DSC3: variants seen among roughly 807,000 people sequenced by gnomAD.
The protein encoded by DSC3 is desmocollin 3, also known as desmocollin-3.
In DSC3, 97 loss-of-function variants were observed where a neutral mutation model predicts 89.5. That is an observed-to-expected ratio of 1.08 (90% CI 0.92 to 1.28). The LOEUF is 1.28. DSC3 is among the 50% of genes most tolerant of loss of function. The probability of loss-of-function intolerance (pLI) is 0.00; values close to 1 mark genes in which losing one functional copy is unlikely to be tolerated. For missense variants in DSC3, 1,199 were observed against 1,085.3 expected, an observed-to-expected ratio of 1.10 and a Z score of -1.47; for synonymous variants, 436 against 384.1, an observed-to-expected ratio of 1.14 and a Z score of -1.58.
chr18:31,041,841 A>G (rs993089196), intron 1 of DSC3, among the ~76,000 whole-genome samples: 1 of 151,970 alleles, frequency 6.6e-6, no homozygotes, highest in African/African-American at 2.4e-5. Context: ...CGGAGTAAGT[A>G]CGACGCAACC....
intron 9 of DSC3, among the ~76,000 whole-genome samples, chr18:31,015,133 T>C (rs953649570): frequency 6.6e-6 from 1 of 152,280 alleles, no homozygotes; most frequent in Non-Finnish European, 1.5e-5. Context: ...TAATATCAAA[T>C]ATAAGGGTAA....
chr18:31,013,530 T>C (rs1985138580), intron 9 of DSC3, among the ~76,000 whole-genome samples: 1 of 152,106 alleles, frequency 6.6e-6, no homozygotes. Context: ...TAAAAATTGG[T>C]AAAAATATTT....
At position 30,995,517 on chromosome 18, in the gene DSC3, T is replaced by A. The variant is rs76252429; in HGVS notation, c.2494-1145A>T. Among the ~76,000 whole-genome samples the A allele has an allele frequency of 2.4e-3, 369 of 152,246 alleles. 1 individual carries two copies. Among genetic ancestry groups the A allele is most frequent in the African/African-American group, 8.5e-3 (355 of 41,546 alleles). Reference sequence around the variant, plus strand: ...ATCCTCTGATAAAAGAGGTAAAAATTTAGTCCAGAAGAGTGTCTAATCCAG... The same window carrying A: ...ATCCTCTGATAAAAGAGGTAAAAATATAGTCCAGAAGAGTGTCTAATCCAG... On this transcript the variant is annotated intron_variant, in intron 15 of 15. Coordinates refer to ENST00000360428, the MANE Select transcript of DSC3 (RefSeq NM_001941.5).
intron 8 of DSC3, 39 bp downstream of exon 8, chr18:31,018,627 C>T: frequency 6.3e-7 from 1 of 1,596,944 alleles, no homozygotes; most frequent in Non-Finnish European, 8.6e-7. Flanking sequence ...AAAATGATAG[C>T]AGATAAGACA....
At chr18:31,009,033 C>T (rs561912390) in intron 9 of DSC3, among the ~76,000 whole-genome samples, 1 of 151,930 alleles carries the variant, frequency 6.6e-6, no homozygotes, top group African/African-American at 2.4e-5. Context: ...AAAGATATCT[C>T]CAGTATTTTA....
chr18:31,023,072 C>T (rs1234272724), intron 6 of DSC3, among the ~76,000 whole-genome samples: 2 of 152,052 alleles, frequency 1.3e-5, no homozygotes, highest in Admixed American at 6.6e-5. Flanking sequence ...GCTTAAAGTA[C>T]CTTGGGTTAA....
In DSC3 at chr18:30,993,054, C is replaced by A. The variant is rs1984326694; in HGVS notation, c.*1121G>T. 6.6e-6 allele frequency: 1 copy of A among 152,352 alleles called. No individual in the cohort carries two copies. Among genetic ancestry groups the A allele is most frequent in the Non-Finnish European group, 1.5e-5 (1 of 68,086 alleles). The allele number at this position is 152,352 out of a possible 1,614,324, so 9.4% of individuals were successfully genotyped here. A position where few individuals can be genotyped will look rare whatever the true frequency, so the allele number is the denominator to read the frequency against. On this transcript the variant is annotated 3_prime_UTR_variant, in exon 16 of 16. Coordinates refer to ENST00000360428, the MANE Select transcript of DSC3 (RefSeq NM_001941.5). ...TTTCAGTAAGATCCTCCCCTCAGCTCCCTCTAGCCTCTAAACTCTAGGAGG... is the reference window on the plus strand; with the variant it reads ...TTTCAGTAAGATCCTCCCCTCAGCTACCTCTAGCCTCTAAACTCTAGGAGG...
intron 9 of DSC3, among the ~76,000 whole-genome samples, chr18:31,017,357 C>A (rs1267048179): frequency 1.3e-5 from 2 of 152,148 alleles, no homozygotes; most frequent in African/African-American, 4.8e-5. Flanking sequence ...TTCTTGTCCA[C>A]AGGACAATAT....
At chr18:31,006,884 A>C (rs1388384162) in intron 12 of DSC3, 23 bp downstream of exon 12, 2 of 1,545,080 alleles carry the variant, frequency 1.3e-6, no homozygotes. Context: ...AGAGTTTATA[A>C]ATCATTATTT....
At chr18:31,034,098 T>C (rs944860645) in intron 1 of DSC3, among the ~76,000 whole-genome samples, 10 of 152,184 alleles carry the variant, frequency 6.6e-5, no homozygotes, top group Non-Finnish European at 1.3e-4. Flanking sequence ...GTGCTGGGAT[T>C]ACAGGCGTGA....
chr18:31,036,249 T>C (rs1985964533), intron 1 of DSC3, among the ~76,000 whole-genome samples: 1 of 152,208 alleles, frequency 6.6e-6, no homozygotes, highest in South Asian at 2.1e-4. Flanking sequence ...TTATGACTTT[T>C]TCCATGTTGC....
chr18:31,007,195 A>T, intron 11 of DSC3, 64 bp from the exon 12 acceptor site: 1 of 1,193,924 alleles, frequency 8.4e-7, no homozygotes, highest in Non-Finnish European at 1.2e-6. Context: ...TTAAAGAATA[A>T]AAAGTCAATT....
intron 4 of DSC3, among the ~76,000 whole-genome samples, 161 bp from the exon 5 acceptor site, chr18:31,026,076 G>C (rs1985589178): frequency 6.6e-6 from 1 of 152,022 alleles, no homozygotes. Context: ...AGGCAAACAG[G>C]GATTCTCACA....
At chr18:31,002,471 C>G (rs953787459) in intron 13 of DSC3, among the ~76,000 whole-genome samples, 1 of 152,004 alleles carries the variant, frequency 6.6e-6, no homozygotes, top group Non-Finnish European at 1.5e-5. Flanking sequence ...GAGGCTGAGG[C>G]GGGTGGATCA....
intron 7 of DSC3, 27 bp downstream of exon 7, chr18:31,022,309 T>G (rs763789384): frequency 6.2e-7 from 1 of 1,613,664 alleles, no homozygotes; most frequent in Non-Finnish European, 8.5e-7. Flanking sequence ...CTCAGCGAAA[T>G]GAAATTCTAT....
At chr18:31,036,609 C>T (rs745639062) in intron 1 of DSC3, among the ~76,000 whole-genome samples, 7 of 151,652 alleles carry the variant, frequency 4.6e-5, no homozygotes, top group Non-Finnish European at 1.0e-4. Flanking sequence ...CTTTGACTCT[C>T]AAAACAATTT....
chr18:31,017,476 T>C (rs1985273850), intron 9 of DSC3, among the ~76,000 whole-genome samples: 1 of 152,142 alleles, frequency 6.6e-6, no homozygotes, highest in Non-Finnish European at 1.5e-5. Flanking sequence ...CACCACCAAA[T>C]ATACAACATA....
At chr18:31,029,128 G>A (rs1045915732) in intron 4 of DSC3, among the ~76,000 whole-genome samples, 1 of 151,990 alleles carries the variant, frequency 6.6e-6, no homozygotes, top group African/African-American at 2.4e-5. Flanking sequence ...TAGAATCATA[G>A]CACTCATCAC....
intron 4 of DSC3, among the ~76,000 whole-genome samples, chr18:31,026,118 TA>T (rs1985590992): frequency 6.6e-6 from 1 of 152,026 alleles, no homozygotes; most frequent in African/African-American, 2.4e-5. Flanking sequence ...GAATGTACCC[TA>T]GGAAGAAAAC....
Sources: allele counts gnomAD v4.1 joint callset (sites outside exome capture counted in the v4.1 genomes callset), GRCh38; gene constraint gnomAD v4.1.1; transcripts MANE v1.5; gene names NCBI Gene and HGNC (gene_info 2026-07-23, HGNC 2026-07-21).